The following NEURL1B variants were observed in gnomAD, a reference collection of about 807,000 sequenced individuals.
NEURL1B encodes E3 ubiquitin-protein ligase NEURL1B.
In NEURL1B, 13 loss-of-function variants were observed where a neutral mutation model predicts 37.4. The observed-to-expected ratio is 0.35, with a 90% CI of 0.23 to 0.55. The LOEUF is 0.55. Ranked by LOEUF, NEURL1B falls within the 20% of genes least tolerant of loss-of-function variation. The pLI is 0.89. For missense variants in NEURL1B, 790 were observed against 879.2 expected, an observed-to-expected ratio of 0.90 and a Z score of 1.28; for synonymous variants, 432 against 426.6, an observed-to-expected ratio of 1.01 and a Z score of -0.16.
At chr5:172,642,080 C>T (rs1045101422) in intron 1 of NEURL1B, among the ~76,000 whole-genome samples, 2 of 152,208 alleles carry the variant, frequency 1.3e-5, no homozygotes, top group Non-Finnish European at 2.9e-5. Context: ...TGAGGGGATC[C>T]GGAGCAGGTT....
chr5:172,656,542 T>G, intron 1 of NEURL1B: 3 of 1,610,434 alleles, frequency 1.9e-6, no homozygotes, highest in South Asian at 2.2e-5. Context: ...GATTTCTTAA[T>G]TCCACCTATG....
In NEURL1B at chr5:172,690,355, CAG is replaced by C. The variant is rs1329241493; in HGVS notation, c.*3431_*3432del. On this transcript the variant is annotated 3_prime_UTR_variant, in exon 5 of 5. Transcript: ENST00000369800. Reference sequence around the variant, plus strand: ...ATCAGCATGGACTGTGTTCAGGACACAGGGTGAACTTTTCTCTGACCCCCGGT... The same window carrying C: ...ATCAGCATGGACTGTGTTCAGGACACGGTGAACTTTTCTCTGACCCCCGGT... 2.0e-5 allele frequency: 3 copies of C among 152,220 alleles called. No homozygotes were observed. Among genetic ancestry groups the C allele is most frequent in the African/African-American group, 7.2e-5 (3 of 41,444 alleles). 9.4% of individuals were successfully genotyped at this position (152,220 alleles called of 1,614,324 possible).
In NEURL1B at chr5:172,690,287, C is replaced by G. The variant is rs1259865686; in HGVS notation, c.*3362C>G. 5 of 152,234 alleles carry G rather than the reference C, an allele frequency of 3.3e-5. No homozygotes were observed. In the South Asian group the frequency reaches 1.0e-3, roughly 32 times the overall value. The allele number at this position is 152,234 out of a possible 1,614,324, so 9.4% of individuals were successfully genotyped here. The stretch of plus-strand genomic sequence containing the variant: ...GGGAGTCCCCTGGGATGGAGCTGCT[C>G]CCCTCACGGCAGCACCACGTTTCCA... On this transcript the variant is annotated 3_prime_UTR_variant, in exon 5 of 5. Transcript: ENST00000369800.
rs1005248615 is a variant in NEURL1B, at chr5:172,661,364, A to G, written c.32-8421A>G. On this transcript the variant is annotated intron_variant, in intron 1 of 4. Transcript: ENST00000369800. The surrounding 1 kb of genome is among the most constrained non-coding windows in gnomAD (Gnocchi z 4.0). ...GTTTCTGGCGGGGAAGCCTCTATAGATTTTATTGCTTCTAACAAGGTCCAT... is the reference window on the plus strand; with the variant it reads ...GTTTCTGGCGGGGAAGCCTCTATAGGTTTTATTGCTTCTAACAAGGTCCAT... Among the ~76,000 whole-genome samples, 2 of 152,052 alleles carry G rather than the reference A, an allele frequency of 1.3e-5. No individual in the cohort carries two copies. Among genetic ancestry groups the G allele is most frequent in the African/African-American group, 4.8e-5 (2 of 41,376 alleles).
intron 2 of NEURL1B, among the ~76,000 whole-genome samples, chr5:172,671,428 G>A (rs1330047909): frequency 6.6e-6 from 1 of 152,216 alleles, no homozygotes; most frequent in African/African-American, 2.4e-5. Flanking sequence ...TGATGCACCT[G>A]TCCGTAACCC....
In NEURL1B at chr5:172,675,543, A is replaced by G. The variant is rs1219307418; in HGVS notation, c.577+5213A>G. On this transcript the variant is annotated intron_variant, in intron 2 of 4. Coordinates refer to ENST00000369800, the MANE Select transcript of NEURL1B (RefSeq NM_001142651.3). The surrounding 1 kb of genome is among the most constrained non-coding windows in gnomAD (Gnocchi z 4.7). Reference sequence around the variant, plus strand: ...CCTCAGGGCCAAAGAGAAGGGACTGAGTGCAGGAAAATTACTTTTCGCTGA... The same window carrying G: ...CCTCAGGGCCAAAGAGAAGGGACTGGGTGCAGGAAAATTACTTTTCGCTGA... Among the ~76,000 whole-genome samples the G allele has an allele frequency of 2.6e-5, 4 of 152,226 alleles. No individual in the cohort carries two copies. In the South Asian group the frequency reaches 6.2e-4, roughly 24 times the overall value.
At chr5:172,644,755 C>CT (rs1444804250) in intron 1 of NEURL1B, among the ~76,000 whole-genome samples, 1 of 152,180 alleles carries the variant, frequency 6.6e-6, no homozygotes, top group African/African-American at 2.4e-5. Flanking sequence ...TGAGACCTGT[C>CT]TGACTCCTCA....
intron 1 of NEURL1B, chr5:172,662,065 G>C (rs1757912788): frequency 6.6e-6 from 1 of 152,228 alleles, no homozygotes; most frequent in African/African-American, 2.4e-5. Flanking sequence ...CTCTGACCCA[G>C]GAATAAACCT....
chr5:172,660,709 CAGCA>C (rs988645961), intron 1 of NEURL1B, among the ~76,000 whole-genome samples: 1 of 152,166 alleles, frequency 6.6e-6, no homozygotes, highest in African/African-American at 2.4e-5. Flanking sequence ...GGTGCGATCT[CAGCA>C]CACTGCAACC....
In NEURL1B at chr5:172,657,364, G is replaced by A. The variant is rs1011162151; in HGVS notation, c.32-12421G>A. On this transcript the variant is annotated intron_variant, in intron 1 of 4. Transcript: ENST00000369800. The surrounding 1 kb of genome is among the most constrained non-coding windows in gnomAD (Gnocchi z 4.0). ...CCAGGTGCCGAGGCAAGAGACTGAAGGCACAAACTGTTTCAGTATAATAAA... is the reference window on the plus strand; with the variant it reads ...CCAGGTGCCGAGGCAAGAGACTGAAAGCACAAACTGTTTCAGTATAATAAA... 2.6e-5 allele frequency among the ~76,000 whole-genome samples: 4 copies of A among 151,956 alleles called. No individual in the cohort carries two copies. Among genetic ancestry groups the A allele is most frequent in the Non-Finnish European group, 5.9e-5 (4 of 68,008 alleles).
rs542963888 is a variant in NEURL1B, at chr5:172,661,920, A to C, written c.32-7865A>C. On this transcript the variant is annotated intron_variant, in intron 1 of 4. Transcript: ENST00000369800. The surrounding 1 kb of genome is among the most constrained non-coding windows in gnomAD (Gnocchi z 4.0). ...GGACGCCTGCTGGCATAGTTTAAAA[A>C]TAGGCTTCTGTCCTTGGACACCAAG... 6.6e-6 allele frequency among the ~76,000 whole-genome samples: 1 copy of C among 152,246 alleles called. No individual in the cohort carries two copies. The highest frequency in any genetic ancestry group is 1.5e-5 in the Non-Finnish European group (1 of 68,042).
In NEURL1B at chr5:172,683,128, G is replaced by T. The variant is rs924526870; in HGVS notation, c.578-291G>T. On this transcript the variant is annotated intron_variant, in intron 2 of 4. Coordinates refer to ENST00000369800, the MANE Select transcript of NEURL1B (RefSeq NM_001142651.3). This position sits in a 1 kb window ranked among gnomAD's most constrained non-coding sequence, Gnocchi z 5.6. ...GGGAAAGGGTGGAGAGAAAAGGAGG[G>T]ATGGAAGAAGAGAAAGGAGGAGGCA... Among the ~76,000 whole-genome samples, 1 of 152,166 alleles carries T rather than the reference G, an allele frequency of 6.6e-6. No homozygotes were observed. The highest frequency in any genetic ancestry group is 1.5e-5 in the Non-Finnish European group (1 of 68,022).
In NEURL1B at chr5:172,687,586, T is replaced by G. The variant is rs1758537159; in HGVS notation, c.*661T>G. The G allele has an allele frequency of 6.6e-6, 1 of 152,544 alleles. No individual in the cohort carries two copies. Among genetic ancestry groups the G allele is most frequent in the African/African-American group, 2.4e-5 (1 of 41,396 alleles). The allele number at this position is 152,544 out of a possible 1,614,324, so 9.4% of individuals were successfully genotyped here. A position where few individuals can be genotyped will look rare whatever the true frequency, so the allele number is the denominator to read the frequency against. On this transcript the variant is annotated 3_prime_UTR_variant, in exon 5 of 5. Transcript: ENST00000369800. Reference sequence around the variant, plus strand: ...GGAAGGTGGGTGAAGAACAATTCACTTCTTCATTTCTTACTGGGTCTTAGA... The same window carrying G: ...GGAAGGTGGGTGAAGAACAATTCACGTCTTCATTTCTTACTGGGTCTTAGA...
chr5:172,687,807 T>C lies in NEURL1B; in HGVS notation c.*882T>C, dbSNP rs1050695072. 1 of 152,118 alleles carries C rather than the reference T, an allele frequency of 6.6e-6. No homozygotes were observed. Among genetic ancestry groups the C allele is most frequent in the Non-Finnish European group, 1.5e-5 (1 of 68,024 alleles). 9.4% of individuals were successfully genotyped at this position (152,118 alleles called of 1,614,324 possible). On this transcript the variant is annotated 3_prime_UTR_variant, in exon 5 of 5. Coordinates refer to ENST00000369800, the MANE Select transcript of NEURL1B (RefSeq NM_001142651.3). ...TTTTTCTGTGGGAGAGAAAGAATCC[T>C]AGAGGCAGGTGACCCACCTGGAGCT...
rs1018636350 is a variant in NEURL1B, at chr5:172,691,060, T to G, written c.*4135T>G. The G allele has an allele frequency of 6.6e-6, 1 of 152,210 alleles. No individual in the cohort carries two copies. Among genetic ancestry groups the G allele is most frequent in the African/African-American group, 2.4e-5 (1 of 41,454 alleles). 9.4% of individuals were successfully genotyped at this position (152,210 alleles called of 1,614,324 possible). ...GGTATTTAACTGTCTCGCTGTCTTA[T>G]CCGAGTCCCTAATGAAACGACTTGT... is the stretch of plus-strand genomic sequence containing the variant. On this transcript the variant is annotated 3_prime_UTR_variant, in exon 5 of 5. Transcript: ENST00000369800.
rs532987353 is a variant in NEURL1B at position 172,668,200 on chromosome 5, A to G, written c.32-1585A>G. On this transcript the variant is annotated intron_variant, in intron 1 of 4. Transcript: ENST00000369800. ...GGAACGTCAGCTCCATCAGAGCAAC[A>G]GCCTTGTCTGTCTTGGTGATTGCTG... 1.5e-4 allele frequency among the ~76,000 whole-genome samples: 23 copies of G among 152,122 alleles called. No individual in the cohort carries two copies. In the South Asian group the frequency reaches 4.8e-3, roughly 32 times the overall value.
chr5:172,651,673 C>T (rs1757667740), intron 1 of NEURL1B, among the ~76,000 whole-genome samples: 1 of 152,218 alleles, frequency 6.6e-6, no homozygotes, highest in African/African-American at 2.4e-5. Flanking sequence ...TCTTTAACAG[C>T]ATCTCCAGCG....
intron 2 of NEURL1B, among the ~76,000 whole-genome samples, chr5:172,678,604 TG>T (rs1257504270): frequency 6.7e-6 from 1 of 150,234 alleles, no homozygotes. Context: ...ACCACCCCCT[TG>T]GTTGGCCATT....
At chr5:172,659,920 C>G (rs901625594) in intron 1 of NEURL1B, among the ~76,000 whole-genome samples, 1 of 152,238 alleles carries the variant, frequency 6.6e-6, no homozygotes, top group African/African-American at 2.4e-5. Context: ...GCTGTCGCCA[C>G]TGCCCCAGCC....
Sources: allele counts gnomAD v4.1 joint callset (sites outside exome capture counted in the v4.1 genomes callset), GRCh38; gene constraint gnomAD v4.1.1; non-coding constraint Gnocchi (gnomAD v3.1); transcripts MANE v1.5; gene names NCBI Gene and HGNC (gene_info 2026-07-23, HGNC 2026-07-21).